GCNT2: variants seen among roughly 807,000 people sequenced by gnomAD.
GCNT2 encodes N-acetyllactosaminide beta-1,6-N-acetylglucosaminyl-transferase.
GCNT2 carries 34 observed loss-of-function variants against 34.2 expected under a neutral mutation model. The ratio of observed to expected loss-of-function variants is 1.00; its 90% CI spans 0.76 to 1.32. GCNT2 has a LOEUF of 1.32. Among genes scored for constraint, GCNT2 ranks in the 40% most tolerant of loss-of-function variants. GCNT2 has a pLI of 0.00. For synonymous variants in GCNT2, 212 were observed against 188.0 expected (o/e 1.13, Z -1.04); for missense variants, 584 against 489.4 (o/e 1.19, Z -1.82).
rs1662160611 is a variant in GCNT2 at position 10,629,208 on chromosome 6, T to C, written c.*2601T>C. The C allele has an allele frequency of 6.6e-6, 1 of 152,664 alleles. No individual in the cohort carries two copies. The highest frequency in any genetic ancestry group is 2.4e-5 in the African/African-American group (1 of 41,456). The allele number at this position is 152,664 out of a possible 1,614,324, so 9.5% of individuals were successfully genotyped here. A position where few individuals can be genotyped will look rare whatever the true frequency, so the allele number is the denominator to read the frequency against. On this transcript the variant is annotated 3_prime_UTR_variant, in exon 5 of 5. Coordinates refer to ENST00000495262, the MANE Select transcript of GCNT2 (RefSeq NM_145649.5). ...TTACATGTCTGTTGTTGGTCATCTC[T>C]CCTGTGTCTTAAATACTTTAATGTT...
intron 3 of GCNT2, among the ~76,000 whole-genome samples, chr6:10,540,219 A>G (rs550673970): frequency 6.6e-6 from 1 of 152,284 alleles, no homozygotes; most frequent in Non-Finnish European, 1.5e-5. Flanking sequence ...CTTCTTAGCA[A>G]TGTCACCTGT....
intron 4 of GCNT2, 23 bp from the exon 5 acceptor site, chr6:10,626,392 CTG>C: frequency 6.4e-7 from 1 of 1,563,954 alleles, no homozygotes; most frequent in South Asian, 1.1e-5. Context: ...TGTTTTGACT[CTG>C]TTTCTTGTTC....
At chr6:10,525,662 C>G (rs1337004124) in intron 1 of GCNT2, among the ~76,000 whole-genome samples, 1 of 152,144 alleles carries the variant, frequency 6.6e-6, no homozygotes, top group Non-Finnish European at 1.5e-5. Context: ...AAATGTCTAG[C>G]ATTGTCAAAG....
chr6:10,609,378 T>G (rs969775730), intron 3 of GCNT2, among the ~76,000 whole-genome samples: 1 of 152,158 alleles, frequency 6.6e-6, no homozygotes, highest in Non-Finnish European at 1.5e-5. Flanking sequence ...TCCACTCCTG[T>G]GATAATGAGC....
At chr6:10,593,300 T>C (rs1458209173) in intron 3 of GCNT2, among the ~76,000 whole-genome samples, 2 of 152,194 alleles carry the variant, frequency 1.3e-5, no homozygotes, top group African/African-American at 2.4e-5. Flanking sequence ...TCCTTATCGA[T>C]TGTATAAGAC....
chr6:10,620,175 G>GAGT (rs1765970325), intron 3 of GCNT2, among the ~76,000 whole-genome samples: 2 of 152,190 alleles, frequency 1.3e-5, no homozygotes, highest in Non-Finnish European at 2.9e-5. Flanking sequence ...TTGAGGGAGT[G>GAGT]AGTGGGTGGA....
At chr6:10,581,768 C>A in intron 3 of GCNT2, 1 of 985,210 alleles carries the variant, frequency 1.0e-6, no homozygotes, top group Non-Finnish European at 1.2e-6. Flanking sequence ...CAATAGAAGA[C>A]CTTTGCCTCT....
intron 3 of GCNT2, among the ~76,000 whole-genome samples, chr6:10,535,264 C>T (rs1291257551): frequency 2.6e-5 from 4 of 152,274 alleles, no homozygotes; most frequent in East Asian, 1.9e-4. Context: ...TCTGCATGGC[C>T]TGCTCAGGTG....
At chr6:10,547,685 T>C (rs925768895) in intron 3 of GCNT2, among the ~76,000 whole-genome samples, 1 of 152,232 alleles carries the variant, frequency 6.6e-6, no homozygotes. Context: ...TCTCCAGTTT[T>C]GCCATTCATT....
At chr6:10,571,152 G>GGC (rs1341353571) in intron 3 of GCNT2, among the ~76,000 whole-genome samples, 3 of 152,126 alleles carry the variant, frequency 2.0e-5, no homozygotes, top group Admixed American at 2.0e-4. Context: ...CTTAAAATGA[G>GGC]TTTACATTTT....
intron 3 of GCNT2, among the ~76,000 whole-genome samples, chr6:10,565,116 G>A (rs188283553): frequency 4.6e-5 from 7 of 152,336 alleles, no homozygotes; most frequent in East Asian, 1.9e-4. Flanking sequence ...CGCAAAGGTC[G>A]TGGGTGAGCC....
At chr6:10,603,689 T>C (rs1765178271) in intron 3 of GCNT2, among the ~76,000 whole-genome samples, 1 of 114,432 alleles carries the variant, frequency 8.7e-6, no homozygotes, top group Non-Finnish European at 2.2e-5. Flanking sequence ...CTAATTTTTG[T>C]ATTTTAGTAG....
chr6:10,573,403 C>A, intron 3 of GCNT2: 1 of 544,250 alleles, frequency 1.8e-6, no homozygotes, highest in Non-Finnish European at 2.3e-6. Flanking sequence ...GGGCAGTTAA[C>A]ACCAGAAGGG....
chr6:10,585,794 C>G, intron 3 of GCNT2: 1 of 1,440,682 alleles, frequency 6.9e-7, no homozygotes. Flanking sequence ...CACCGCATCT[C>G]CAGGCACATC....
At position 10,529,057 on chromosome 6, in the gene GCNT2, G is replaced by A; in HGVS notation, c.146G>A (p.Cys49Tyr). The A allele has an allele frequency of 6.2e-7, 1 of 1,614,124 alleles. No homozygotes were observed. The highest frequency in any genetic ancestry group is 8.5e-7 in the Non-Finnish European group (1 of 1,180,016). The change falls in exon 3 of 5, where the codon TGT becomes TAT. Residue 49 changes from cysteine to tyrosine, a missense_variant. Physicochemically the swap from Cys to Tyr is radical, Grantham distance 194. Transcript: ENST00000495262. Reference protein sequence around the residue: ...LSNASLLAEACHQIFEGKVFY... With the variant: ...LSNASLLAEAYHQIFEGKVFY... ...AATGCTTCACTGTTAGCAGAAGCCT[G>A]TCATCAGATTTTTGAGGGGAAAGTT... is the stretch of plus-strand genomic sequence containing the variant.
chr6:10,536,090 G>C (rs1416012402), intron 3 of GCNT2, among the ~76,000 whole-genome samples: 1 of 152,102 alleles, frequency 6.6e-6, no homozygotes, highest in Non-Finnish European at 1.5e-5. Flanking sequence ...CCGAGACCTT[G>C]AGAGATGCAA....
intron 3 of GCNT2, among the ~76,000 whole-genome samples, chr6:10,544,329 A>G (rs1296326241): frequency 7.0e-6 from 1 of 143,622 alleles, no homozygotes; most frequent in Admixed American, 7.0e-5. Flanking sequence ...AAAATAGGCA[A>G]CACGGTGGCT....
chr6:10,604,718 A>G (rs532422064), intron 3 of GCNT2, among the ~76,000 whole-genome samples: 3 of 152,190 alleles, frequency 2.0e-5, no homozygotes, highest in South Asian at 2.1e-4. Flanking sequence ...AAAATTAGCC[A>G]GGCACGGTGG....
At chr6:10,561,276 C>T (rs1380855538) in intron 3 of GCNT2, among the ~76,000 whole-genome samples, 4 of 152,180 alleles carry the variant, frequency 2.6e-5, no homozygotes, top group Non-Finnish European at 5.9e-5. Flanking sequence ...GATTCTCCTG[C>T]CTCAGCCTCC....
Sources: gnomAD v4.1 joint callset for allele counts (sites outside exome capture counted in the v4.1 genomes callset) on GRCh38, gnomAD v4.1.1 for gene constraint, MANE v1.5 for transcripts, NCBI Gene and HGNC (gene_info 2026-07-23, HGNC 2026-07-21) for gene names.